The following RIC8B variants were observed in gnomAD, a reference collection of about 807,000 sequenced individuals.
RIC8B encodes the protein chaperone Ric-8B.
RIC8B carries 16 observed loss-of-function variants against 57.5 expected under a neutral mutation model. The ratio of observed to expected loss-of-function variants is 0.28; its 90% confidence interval spans 0.19 to 0.42. The LOEUF (loss-of-function observed/expected upper bound fraction) is 0.42, where lower values mean the gene tolerates loss of function less well. Among genes scored for constraint, RIC8B ranks in the 10% least tolerant of loss-of-function variants. The probability of loss-of-function intolerance (pLI) is 1.00; values close to 1 mark genes in which losing one functional copy is unlikely to be tolerated. For synonymous variants in RIC8B, 216 were observed against 250.8 expected (o/e 0.86, Z 1.31); for missense variants, 481 against 677.0 (o/e 0.71, Z 3.21).
chr12:106,852,193 C>T (rs1054236212), intron 7 of RIC8B, among the ~76,000 whole-genome samples: 2 of 152,100 alleles, frequency 1.3e-5, no homozygotes, highest in African/African-American at 2.4e-5. Flanking sequence ...TGAGATAGAT[C>T]CAACAATTAA....
At position 106,879,823 on chromosome 12, in the gene RIC8B, G is replaced by T; in HGVS notation, c.1572-6081G>T. 1 of 985,444 alleles carries T rather than the reference G, an allele frequency of 1.0e-6. No individual in the cohort carries two copies. The highest frequency in any genetic ancestry group is 1.2e-6 in the Non-Finnish European group (1 of 829,940). 61.0% of individuals were successfully genotyped at this position (985,444 alleles called of 1,614,324 possible). A position where few individuals can be genotyped will look rare whatever the true frequency, so the allele number is the denominator to read the frequency against. On this transcript the variant is annotated intron_variant, in intron 9 of 9. Coordinates refer to ENST00000392837, the MANE Select transcript of RIC8B (RefSeq NM_001330145.2). This position sits in a 1 kb window ranked among gnomAD's most constrained non-coding sequence, Gnocchi z 4.9. ...TCTTCCCTGGCCAGATGCCTGATCA[G>T]ATGAGAAGCCCGCCATGATACTGTC...
At chr12:106,845,624 A>G (rs1455785281) in intron 6 of RIC8B, among the ~76,000 whole-genome samples, 1 of 152,080 alleles carries the variant, frequency 6.6e-6, no homozygotes, top group Non-Finnish European at 1.5e-5. Flanking sequence ...GTATTGGATC[A>G]TTTATCAGCA....
At chr12:106,847,972 G>A (rs945836004) in intron 6 of RIC8B, among the ~76,000 whole-genome samples, 5 of 152,314 alleles carry the variant, frequency 3.3e-5, no homozygotes, top group African/African-American at 1.2e-4. Context: ...TGTGGAAGGA[G>A]GCAGACAAGT....
chr12:106,821,149 C>A (rs1461563751), intron 3 of RIC8B, among the ~76,000 whole-genome samples: 3 of 152,074 alleles, frequency 2.0e-5, no homozygotes, highest in African/African-American at 7.2e-5. Flanking sequence ...GAGCATTAAC[C>A]CAATTTGACA....
intron 2 of RIC8B, among the ~76,000 whole-genome samples, chr12:106,811,237 C>T (rs2045320895): frequency 6.6e-6 from 1 of 152,238 alleles, no homozygotes; most frequent in Non-Finnish European, 1.5e-5. Context: ...TCAAGTCTGC[C>T]TGCTTTTCTG....
rs1950812606 is a variant in RIC8B at position 106,879,281 on chromosome 12, T to G, written c.1572-6623T>G. The G allele has an allele frequency of 1.0e-6, 1 of 985,296 alleles. No homozygotes were observed. Among genetic ancestry groups the G allele is most frequent in the Non-Finnish European group, 1.2e-6 (1 of 829,906 alleles). 61.0% of individuals were successfully genotyped at this position (985,296 alleles called of 1,614,324 possible). A position where few individuals can be genotyped will look rare whatever the true frequency, so the allele number is the denominator to read the frequency against. ...ATGTGCTGTGGGCAAGAGTATTCTC[T>G]TGCTTTCAGGTCAAGTAAAGTGTTT... On this transcript the variant is annotated intron_variant, in intron 9 of 9. Transcript: ENST00000392837. This position sits in a 1 kb window ranked among gnomAD's most constrained non-coding sequence, Gnocchi z 4.9.
At chr12:106,880,563 C>T (rs942790986) in intron 9 of RIC8B, among the ~76,000 whole-genome samples, 1 of 152,064 alleles carries the variant, frequency 6.6e-6, no homozygotes, top group Non-Finnish European at 1.5e-5. Flanking sequence ...GGAAGAAGCT[C>T]AGTCTATACC....
intron 9 of RIC8B, chr12:106,874,337 T>C (rs1469598978): frequency 4.5e-6 from 3 of 664,024 alleles, no homozygotes; most frequent in Admixed American, 2.2e-5. Context: ...GAGTGTACCA[T>C]AGCTTTGTCT....
At chr12:106,851,657 G>A in intron 7 of RIC8B, 63 bp downstream of exon 7, 1 of 1,401,898 alleles carries the variant, frequency 7.1e-7, no homozygotes, top group Non-Finnish European at 1.0e-6. Context: ...AAATTTAATT[G>A]ATAGTGTTAG....
chr12:106,855,888 G>C (rs150304659), intron 7 of RIC8B, among the ~76,000 whole-genome samples: 2 of 152,224 alleles, frequency 1.3e-5, no homozygotes, highest in East Asian at 3.9e-4. Context: ...CTCTCTGCCT[G>C]AGTTTCTCAC....
At chr12:106,787,877 C>T (rs1484673088) in intron 2 of RIC8B, among the ~76,000 whole-genome samples, 1 of 152,132 alleles carries the variant, frequency 6.6e-6, no homozygotes, top group African/African-American at 2.4e-5. Flanking sequence ...CCCTCCAAAT[C>T]TCATGTTCTC....
intron 4 of RIC8B, among the ~76,000 whole-genome samples, chr12:106,833,506 C>A (rs751958091): frequency 1.3e-5 from 2 of 152,008 alleles, no homozygotes; most frequent in Non-Finnish European, 2.9e-5. Flanking sequence ...GAGGCTGAGG[C>A]AGGAGAATCG....
intron 3 of RIC8B, among the ~76,000 whole-genome samples, chr12:106,818,185 T>G (rs1425049814): frequency 2.0e-5 from 3 of 152,172 alleles, no homozygotes; most frequent in Non-Finnish European, 4.4e-5. Flanking sequence ...TCTTTTTTTT[T>G]TGAGAGAGTC....
At chr12:106,859,032 A>G (rs139741027) in intron 7 of RIC8B, among the ~76,000 whole-genome samples, 1 of 151,796 alleles carries the variant, frequency 6.6e-6, no homozygotes, top group Non-Finnish European at 1.5e-5. Context: ...CTCCAGCTCT[A>G]TTTTGTCTTT....
chr12:106,805,939 TTG>T (rs2044994884), intron 2 of RIC8B, among the ~76,000 whole-genome samples: 2 of 152,234 alleles, frequency 1.3e-5, no homozygotes, highest in Middle Eastern at 3.4e-3. Flanking sequence ...AACTGTTTTT[TTG>T]TGTTTGGTTT....
In RIC8B at chr12:106,870,960, A is replaced by G. The variant is rs370547557; in HGVS notation, c.1571+18A>G. On this transcript the variant is annotated intron_variant, in intron 9 of 9. Transcript: ENST00000392837. The stretch of plus-strand genomic sequence containing the variant: ...CTTTCCAGGTATTGTATTCCCATCC[A>G]TTTTTTGCTTGGTTTCTAAAAATGG... 2.6e-6 allele frequency: 4 copies of G among 1,542,224 alleles called. No homozygotes were observed. Among genetic ancestry groups the G allele is most frequent in the Non-Finnish European group, 3.5e-6 (4 of 1,142,688 alleles).
chr12:106,866,160 G>C (rs1950131064), intron 8 of RIC8B, among the ~76,000 whole-genome samples: 1 of 151,894 alleles, frequency 6.6e-6, no homozygotes, highest in Admixed American at 6.6e-5. Context: ...CTCCAAGAGG[G>C]AAGAGGAGTT....
At chr12:106,851,417 G>T in intron 6 of RIC8B, 33 bp from the exon 7 acceptor site, 1 of 1,578,870 alleles carries the variant, frequency 6.3e-7, no homozygotes, top group South Asian at 1.1e-5. Flanking sequence ...TAGTAGCCTC[G>T]ATTGATGATG....
chr12:106,851,315 CTTTTTTTT>C (rs34606963), intron 6 of RIC8B, 127 bp from the exon 7 acceptor site: 22 of 211,998 alleles, frequency 1.0e-4, no homozygotes, highest in Non-Finnish European at 1.3e-4. Flanking sequence ...GGAAGCTAAC[CTTTTTTTT>C]TTTTTTTTTT....
Sources: allele counts gnomAD v4.1 joint callset (sites outside exome capture counted in the v4.1 genomes callset), GRCh38; gene constraint gnomAD v4.1.1; non-coding constraint Gnocchi (gnomAD v3.1); transcripts MANE v1.5; gene names NCBI Gene and HGNC (gene_info 2026-07-23, HGNC 2026-07-21).